MAST4: variants seen among roughly 807,000 people sequenced by gnomAD.
The protein encoded by MAST4 is microtubule associated serine/threonine kinase family member 4.
A neutral mutation model predicts 162.7 loss-of-function variants in MAST4; 89 were observed. That is an observed-to-expected ratio of 0.55 (90% CI 0.46 to 0.65). MAST4 has a LOEUF of 0.65. MAST4 is among the 30% of genes least tolerant of loss of function. The probability of loss-of-function intolerance (pLI) is 0.00; values close to 1 mark genes in which losing one functional copy is unlikely to be tolerated. For synonymous variants in MAST4, 1,479 were observed against 1,361.1 expected (o/e 1.09, Z -1.91); for missense variants, 3,153 against 3,374.0 (o/e 0.93, Z 1.62).
chr5:67,162,706 G>C lies in MAST4; in HGVS notation c.3885G>C (p.Glu1295Asp), dbSNP rs975696965. ...TGAACAGATCCCTGTCATCGGGTGA[G>C]AGCCTCCCAGGTTCCCCCACTCATA... ...SCLNRSLSSG[E>D]SLPGSPTHSL... Residue 1295 changes from glutamate to aspartate, a missense_variant, in exon 28 of 29, where the codon GAG becomes GAC. Glu to Asp is a conservative substitution (Grantham distance 45). Around this residue, in one of 7 missense-constraint regions of MAST4, gnomAD observed 619 missense variants for 744.2 expected, o/e 0.83. Transcript: ENST00000403625. 2 of 1,613,694 alleles carry C rather than the reference G, an allele frequency of 1.2e-6. No homozygotes were observed. The highest frequency in any genetic ancestry group is 1.3e-5 in the African/African-American group (1 of 74,830).
intron 4 of MAST4, among the ~76,000 whole-genome samples, chr5:66,992,644 A>G (rs1750187638): frequency 6.6e-6 from 1 of 152,256 alleles, no homozygotes; most frequent in South Asian, 2.1e-4. Flanking sequence ...TGTCTGTGCA[A>G]TACAGGCAAG....
intron 5 of MAST4, among the ~76,000 whole-genome samples, chr5:67,079,357 AAAT>A (rs1183654024): frequency 1.3e-5 from 2 of 152,192 alleles, no homozygotes; most frequent in African/African-American, 4.8e-5. Context: ...AACTTTATAT[AAAT>A]AATAGAGCAT....
intron 4 of MAST4, among the ~76,000 whole-genome samples, chr5:66,956,776 G>A (rs992228542): frequency 6.6e-6 from 1 of 152,194 alleles, no homozygotes; most frequent in Non-Finnish European, 1.5e-5. Flanking sequence ...GGAAGCTGTT[G>A]GAGGATTTTG....
At chr5:66,962,016 A>G (rs1221538799) in intron 4 of MAST4, among the ~76,000 whole-genome samples, 1 of 152,208 alleles carries the variant, frequency 6.6e-6, no homozygotes, top group African/African-American at 2.4e-5. Flanking sequence ...TTGAGCAATA[A>G]TTTAATATTT....
intron 4 of MAST4, among the ~76,000 whole-genome samples, chr5:67,008,593 T>A (rs1422067536): frequency 2.6e-5 from 4 of 152,248 alleles, no homozygotes; most frequent in Non-Finnish European, 5.9e-5. Context: ...AAATCTGTCA[T>A]GTTTTCATTT....
intron 1 of MAST4, among the ~76,000 whole-genome samples, chr5:66,725,344 A>C (rs758711676): frequency 1.3e-5 from 2 of 152,094 alleles, no homozygotes; most frequent in Non-Finnish European, 2.9e-5. Context: ...TTTGATTTTT[A>C]AAATGATCAT....
chr5:66,825,981 T>G (rs1757234347), intron 3 of MAST4, among the ~76,000 whole-genome samples: 1 of 152,230 alleles, frequency 6.6e-6, no homozygotes, highest in Admixed American at 6.5e-5. Flanking sequence ...GATTATTACC[T>G]GTGAATAGTG....
At chr5:67,130,165 A>C (rs747279932) in intron 14 of MAST4, 45 bp from the exon 15 acceptor site, 1 of 1,541,370 alleles carries the variant, frequency 6.5e-7, no homozygotes, top group South Asian at 1.2e-5. Context: ...AAACATCCTT[A>C]CTTTCTCTCC....
In MAST4 at chr5:66,960,819, G is replaced by A. The variant is rs904273167; in HGVS notation, c.674+60837G>A. Among the ~76,000 whole-genome samples the A allele has an allele frequency of 6.4e-4, 98 of 152,062 alleles. 1 individual carries two copies. The highest frequency in any genetic ancestry group is 6.4e-3 in the Admixed American group (97 of 15,258). On this transcript the variant is annotated intron_variant, in intron 4 of 28. Transcript: ENST00000403625. ...ACTTTTTAAAAATATGAACTCAGCT[G>A]TGTCAAACATTCCATTTTATGATTA...
intron 1 of MAST4, among the ~76,000 whole-genome samples, chr5:66,610,857 G>A (rs1163420927): frequency 3.3e-5 from 5 of 152,212 alleles, no homozygotes; most frequent in Admixed American, 3.3e-4. Flanking sequence ...ACCTTTCTTT[G>A]TCTTTAGGAC....
At chr5:66,806,931 C>A (rs1257864751) in intron 3 of MAST4, among the ~76,000 whole-genome samples, 1 of 152,190 alleles carries the variant, frequency 6.6e-6, no homozygotes, top group Non-Finnish European at 1.5e-5. Context: ...GGTTCATAAT[C>A]TGGCAGTGGA....
At chr5:66,799,945 A>C (rs748792075) in intron 3 of MAST4, among the ~76,000 whole-genome samples, 1 of 152,210 alleles carries the variant, frequency 6.6e-6, no homozygotes, top group Non-Finnish European at 1.5e-5. Flanking sequence ...AAGTGAGGTC[A>C]TACAACTGAG....
At chr5:66,606,058 A>G (rs1032599128) in intron 1 of MAST4, among the ~76,000 whole-genome samples, 3 of 152,176 alleles carry the variant, frequency 2.0e-5, no homozygotes, top group Non-Finnish European at 4.4e-5. Flanking sequence ...TTTCTGAATC[A>G]CCAGTTTCTG....
chr5:67,162,686 A>T lies in MAST4; in HGVS notation c.3865A>T (p.Arg1289Ter), dbSNP rs1286995399. 6.2e-7 allele frequency: 1 copy of T among 1,613,942 alleles called. No homozygotes were observed. The highest frequency in any genetic ancestry group is 8.5e-7 in the Non-Finnish European group (1 of 1,179,884). ...HTSRSFSCLN[R>*]SLSSGESLPG... ...CAGCCGAAGTTTCTCCTGCTTGAAC[A>T]GATCCCTGTCATCGGGTGAGAGCCT... is the stretch of plus-strand genomic sequence containing the variant. The change falls in exon 28 of 29, where the codon AGA (arginine) becomes TGA (stop). Residue 1289 changes from arginine (R) to a stop codon, truncating the protein, a stop_gained. Coordinates refer to ENST00000403625, the MANE Select transcript of MAST4 (RefSeq NM_001164664.2). LOFTEE classifies it high-confidence loss of function.
At chr5:66,663,185 AGGCTG>A (rs765387027) in intron 1 of MAST4, among the ~76,000 whole-genome samples, 3 of 152,134 alleles carry the variant, frequency 2.0e-5, no homozygotes, top group Non-Finnish European at 4.4e-5. Flanking sequence ...ATTTGTGCTT[AGGCTG>A]TATGCCACCC....
chr5:67,034,047 G>A (rs1428619044), intron 4 of MAST4, among the ~76,000 whole-genome samples: 1 of 152,124 alleles, frequency 6.6e-6, no homozygotes, highest in East Asian at 1.9e-4. Context: ...GCATAAACCA[G>A]TCGGCCGGTG....
In MAST4 at chr5:67,165,880, G is replaced by A. The variant is rs746400561; in HGVS notation, c.6701G>A (p.Gly2234Asp). Residue 2234 changes from glycine to aspartate, a missense_variant, in exon 29 of 29, where the codon GGC becomes GAC. By Grantham distance (94) the Gly-to-Asp change is moderately conservative (BLOSUM62 -1). Coordinates refer to ENST00000403625, the MANE Select transcript of MAST4 (RefSeq NM_001164664.2). ...GKEPATQSLG[G>D]SSREGKGHSK... ...GAGCCTGCCACTCAGTCCCTCGGTG[G>A]CTCTAGCAGAGAGGGGAAGGGCCAC... 3.7e-6 allele frequency: 6 copies of A among 1,613,378 alleles called. No homozygotes were observed. In the South Asian group the frequency reaches 5.5e-5, roughly 15 times the overall value.
At chr5:66,629,313 A>G (rs769742865) in intron 1 of MAST4, among the ~76,000 whole-genome samples, 2 of 152,194 alleles carry the variant, frequency 1.3e-5, no homozygotes, top group Non-Finnish European at 2.9e-5. Context: ...TTTTACTGCA[A>G]ACTAGAAGAG....
intron 4 of MAST4, among the ~76,000 whole-genome samples, chr5:66,915,483 T>C (rs1206856733): frequency 6.6e-6 from 1 of 152,146 alleles, no homozygotes; most frequent in Non-Finnish European, 1.5e-5. Flanking sequence ...AAAAAAAGAA[T>C]AGCTTGACTA....
Sources: allele counts gnomAD v4.1 joint callset (sites outside exome capture counted in the v4.1 genomes callset), GRCh38; gene constraint gnomAD v4.1.1; regional missense constraint gnomAD v4.1.1; transcripts MANE v1.5; gene names NCBI Gene and HGNC (gene_info 2026-07-23, HGNC 2026-07-21).